RCSD1: variants seen among roughly 807,000 people sequenced by gnomAD.
RCSD1 encodes capZ-interacting protein.
In RCSD1, 26 loss-of-function variants were observed where a neutral mutation model predicts 42.5. That is an observed-to-expected ratio of 0.61 (90% CI 0.45 to 0.85). The LOEUF (loss-of-function observed/expected upper bound fraction) is 0.85, where lower values mean the gene tolerates loss of function less well. Ranked by LOEUF, RCSD1 falls within the 40% of genes least tolerant of loss-of-function variation. The pLI, the probability that RCSD1 is intolerant of heterozygous loss-of-function variation, is 0.00. For synonymous variants in RCSD1, 220 were observed against 212.2 expected (o/e 1.04, Z -0.32); for missense variants, 571 against 528.3 (o/e 1.08, Z -0.79).
intron 1 of RCSD1, among the ~76,000 whole-genome samples, chr1:167,654,728 G>A (rs1658384470): frequency 6.6e-6 from 1 of 152,194 alleles, no homozygotes; most frequent in African/African-American, 2.4e-5. Flanking sequence ...CAAGAGGAAG[G>A]AGAGCAGAAA....
chr1:167,644,482 AAAAT>A (rs535625680), intron 1 of RCSD1, among the ~76,000 whole-genome samples: 8 of 79,612 alleles, frequency 1.0e-4, no homozygotes, highest in South Asian at 4.2e-4. Context: ...TCTGTCTCAA[AAAAT>A]AAATACATAC....
chr1:167,653,485 G>T (rs1658357506), intron 1 of RCSD1, among the ~76,000 whole-genome samples: 1 of 152,216 alleles, frequency 6.6e-6, no homozygotes, highest in African/African-American at 2.4e-5. Context: ...ATGGAGATCT[G>T]CCTAGGCATT....
chr1:167,680,481 TTTTTG>T (rs1659054840), intron 1 of RCSD1, among the ~76,000 whole-genome samples: 1 of 152,010 alleles, frequency 6.6e-6, no homozygotes, highest in African/African-American at 2.4e-5. Flanking sequence ...TTTGTTTTTG[TTTTTG>T]TTTTTTTCAG....
rs199558747 is a variant in RCSD1 at position 167,697,191 on chromosome 1, G to A, written c.567G>A (p.Ala189=). 1.9e-5 allele frequency: 30 copies of A among 1,614,200 alleles called. No homozygotes were observed. In the African/African-American group the frequency reaches 2.7e-4, roughly 14 times the overall value. ...GTGGAGAACTTGGAGATTTCAGGGC[G>A]GTGGAGTCATCTCAGCAGAACGGTG... ...SDCGELGDFR[A]VESSQQNGAK... Residue 189 remains alanine (A), a synonymous_variant, in exon 6 of 7, where the codon GCG becomes GCA. Coordinates refer to ENST00000367854, the MANE Select transcript of RCSD1 (RefSeq NM_052862.4).
Position 167,705,144 on chromosome 1 carries a change from T to A in RCSD1, c.*448T>A, listed in dbSNP as rs1226533641. 4.5e-5 allele frequency: 7 copies of A among 154,286 alleles called. No homozygotes were observed. Among genetic ancestry groups the A allele is most frequent in the African/African-American group, 1.7e-4 (7 of 41,586 alleles). The allele number at this position is 154,286 out of a possible 1,614,324, so 9.6% of individuals were successfully genotyped here. ...TTCCTTTTTAATGTTCTAAAGTGTT[T>A]ACGGTTCTCAAATATCAGTTAAAAA... On this transcript the variant is annotated 3_prime_UTR_variant, in exon 7 of 7. Coordinates refer to ENST00000367854, the MANE Select transcript of RCSD1 (RefSeq NM_052862.4).
In RCSD1 at chr1:167,630,364, A is replaced by T; in HGVS notation, c.-60A>T. On this transcript the variant is annotated 5_prime_UTR_variant, in exon 1 of 7. Transcript: ENST00000367854. Reference sequence around the variant, plus strand: ...GCCGGGAGCGGAGGGGACAGCGGGGATCGTGAGCTCCGGCCCGGGCGAGCG... The same window carrying T: ...GCCGGGAGCGGAGGGGACAGCGGGGTTCGTGAGCTCCGGCCCGGGCGAGCG... The T allele has an allele frequency of 6.8e-7, 1 of 1,462,694 alleles. No individual in the cohort carries two copies. Among genetic ancestry groups the T allele is most frequent in the Non-Finnish European group, 9.1e-7 (1 of 1,097,236 alleles). 90.6% of individuals were successfully genotyped at this position (1,462,694 alleles called of 1,614,324 possible). A position where few individuals can be genotyped will look rare whatever the true frequency, so the allele number is the denominator to read the frequency against.
chr1:167,697,631 CAAAG>C lies in RCSD1; in HGVS notation c.1010_1013del (p.Lys337SerfsTer8). 4 of 1,606,990 alleles carry C rather than the reference CAAAG, an allele frequency of 2.5e-6. No individual in the cohort carries two copies. The highest frequency in any genetic ancestry group is 3.4e-6 in the Non-Finnish European group (4 of 1,176,868). ...GGACCTGAACATGACAGCCAAGAAACAAAGAAGCTGGAGGAGGGAGCTGCAGTGA... is the reference window on the plus strand; with the variant it reads ...GGACCTGAACATGACAGCCAAGAAACAAGCTGGAGGAGGGAGCTGCAGTGA... On this transcript the variant is annotated frameshift_variant, in exon 6 of 7. Transcript: ENST00000367854. LOFTEE classifies it high-confidence loss of function.
intron 4 of RCSD1, among the ~76,000 whole-genome samples, chr1:167,690,920 C>G (rs1398366422): frequency 6.6e-6 from 1 of 152,138 alleles, no homozygotes; most frequent in Non-Finnish European, 1.5e-5. Context: ...CTCCCGTGCC[C>G]AGGGCTGGCT....
chr1:167,638,723 T>C (rs1441549108), intron 1 of RCSD1, among the ~76,000 whole-genome samples: 2 of 152,226 alleles, frequency 1.3e-5, no homozygotes, highest in Non-Finnish European at 2.9e-5. Flanking sequence ...CAGTTGTGTC[T>C]CTGGGTGAAA....
chr1:167,648,761 G>A (rs745804792), intron 1 of RCSD1, among the ~76,000 whole-genome samples: 4 of 152,224 alleles, frequency 2.6e-5, no homozygotes, highest in Non-Finnish European at 5.9e-5. Context: ...AGTCAGGGAT[G>A]GAGGCAGAAC....
intron 1 of RCSD1, among the ~76,000 whole-genome samples, chr1:167,632,686 TC>T (rs1553247137): frequency 6.6e-6 from 1 of 151,668 alleles, no homozygotes; most frequent in Non-Finnish European, 1.5e-5. Flanking sequence ...ACCCTGCGTC[TC>T]ACATCCAGTA....
chr1:167,700,352 CAT>C (rs765514223), intron 6 of RCSD1, among the ~76,000 whole-genome samples: 5 of 152,128 alleles, frequency 3.3e-5, no homozygotes, highest in Non-Finnish European at 5.9e-5. Context: ...ATTTCTTTAA[CAT>C]CTTCCATTCC....
intron 1 of RCSD1, among the ~76,000 whole-genome samples, chr1:167,665,752 A>T (rs1658640999): frequency 6.6e-6 from 1 of 151,788 alleles, no homozygotes; most frequent in Non-Finnish European, 1.5e-5. Flanking sequence ...TTTTTGGTGA[A>T]GTGTCTGTTT....
chr1:167,677,712 A>G (rs1658985107), intron 1 of RCSD1, among the ~76,000 whole-genome samples: 2 of 152,194 alleles, frequency 1.3e-5, no homozygotes, highest in South Asian at 2.1e-4. Context: ...AGAGGAAGCA[A>G]TCTGATATGC....
intron 1 of RCSD1, among the ~76,000 whole-genome samples, chr1:167,675,372 C>A (rs981113497): frequency 1.3e-5 from 2 of 152,028 alleles, no homozygotes; most frequent in African/African-American, 4.8e-5. Context: ...GGCAAGAGAG[C>A]TTTTGCAGGG....
chr1:167,702,146 C>T lies in RCSD1; in HGVS notation c.1219-2518C>T, dbSNP rs140963083. 4.5e-3 allele frequency among the ~76,000 whole-genome samples: 691 copies of T among 152,316 alleles called. 5 individuals are homozygous for T. The highest frequency in any genetic ancestry group is 0.015 in the African/African-American group (641 of 41,568). Reference sequence around the variant, plus strand: ...AGAAGACAGAGGCATAAACAAATAACGACAAGGCAGTAGAATAAATGGGAT... The same window carrying T: ...AGAAGACAGAGGCATAAACAAATAATGACAAGGCAGTAGAATAAATGGGAT... On this transcript the variant is annotated intron_variant, in intron 6 of 6. Transcript: ENST00000367854.
At chr1:167,673,651 C>A (rs538773211) in intron 1 of RCSD1, among the ~76,000 whole-genome samples, 1 of 152,334 alleles carries the variant, frequency 6.6e-6, no homozygotes, top group African/African-American at 2.4e-5. Context: ...AGTTCTGGAG[C>A]CTGAATTATA....
intron 1 of RCSD1, among the ~76,000 whole-genome samples, chr1:167,677,796 A>G (rs1484339990): frequency 1.3e-5 from 2 of 152,232 alleles, no homozygotes; most frequent in Non-Finnish European, 2.9e-5. Flanking sequence ...TAAGCTATCA[A>G]TTTACATTGT....
At chr1:167,632,258 T>A (rs1558068159) in intron 1 of RCSD1, among the ~76,000 whole-genome samples, 1 of 152,246 alleles carries the variant, frequency 6.6e-6, no homozygotes, top group South Asian at 2.1e-4. Flanking sequence ...ACAAACTGCC[T>A]TAGGCCCCAG....
Sources: gnomAD v4.1 joint callset for allele counts (sites outside exome capture counted in the v4.1 genomes callset) on GRCh38, gnomAD v4.1.1 for gene constraint, MANE v1.5 for transcripts, NCBI Gene and HGNC (gene_info 2026-07-23, HGNC 2026-07-21) for gene names.